FRMPD1: variants seen among roughly 807,000 people sequenced by gnomAD.
The protein encoded by FRMPD1 is FERM and PDZ domain-containing protein 1.
A neutral mutation model predicts 117.8 loss-of-function variants in FRMPD1; 76 were observed. The ratio of observed to expected loss-of-function variants is 0.65; its 90% CI spans 0.54 to 0.78. The LOEUF (loss-of-function observed/expected upper bound fraction) is 0.78. FRMPD1 is among the 30% of genes least tolerant of loss of function. FRMPD1 has a pLI of 0.00. For missense variants in FRMPD1, 1,786 were observed against 1,964.5 expected, an observed-to-expected ratio of 0.91 and a Z score of 1.72; for synonymous variants, 783 against 770.4, an observed-to-expected ratio of 1.02 and a Z score of -0.27.
chr9:37,616,517 T>G, the FRMPD1 span, among the ~76,000 whole-genome samples: 3 of 152,300 alleles, frequency 2.0e-5, no homozygotes, highest in South Asian at 2.1e-4. Context: ...TAGAGACAGA[T>G]CTCAGAGCCC....
chr9:37,712,737 T>C (rs1035865673), intron 5 of FRMPD1, among the ~76,000 whole-genome samples: 1 of 152,192 alleles, frequency 6.6e-6, no homozygotes, highest in Non-Finnish European at 1.5e-5. Flanking sequence ...GTTTTTATCA[T>C]TTAATACAGA....
Position 37,652,952 on chromosome 9 carries a change from A to C in FRMPD1, c.-5+1858A>C, listed in dbSNP as rs370334716. ...TTACAATGGAAGGTGGAGGAAGAAG[A>C]GGATTTCAACAGGTGGTGAGGAATA... is the stretch of plus-strand genomic sequence containing the variant. On this transcript the variant is annotated intron_variant, in intron 1 of 15. Transcript: ENST00000377765. Among the ~76,000 whole-genome samples the C allele has an allele frequency of 2.6e-5, 4 of 152,302 alleles. No individual in the cohort carries two copies. The East Asian group carries it at 7.7e-4, about 29-fold the overall frequency.
intron 5 of FRMPD1, among the ~76,000 whole-genome samples, chr9:37,712,936 G>C (rs545636911): frequency 7.9e-5 from 12 of 152,062 alleles, no homozygotes; most frequent in African/African-American, 2.9e-4. Context: ...AAACCTTAAG[G>C]GAAAGAGATA....
chr9:37,734,841 G>A (rs1196446940), intron 12 of FRMPD1, among the ~76,000 whole-genome samples: 1 of 152,054 alleles, frequency 6.6e-6, no homozygotes, highest in African/African-American at 2.4e-5. Context: ...AAGTTTTGAA[G>A]GTACAAGAAA....
At position 37,733,505 on chromosome 9, in the gene FRMPD1, C is replaced by A. The variant is rs374356516; in HGVS notation, c.1028C>A (p.Pro343Gln). 4.3e-6 allele frequency: 7 copies of A among 1,613,644 alleles called. No individual in the cohort carries two copies. The highest frequency in any genetic ancestry group is 5.9e-6 in the Non-Finnish European group (7 of 1,179,626). Residue 343 changes from proline to glutamine, a missense_variant, in exon 11 of 16, where the codon CCA (proline) becomes CAA (glutamine). Physicochemically the swap from Pro to Gln is moderately conservative, Grantham distance 76 (BLOSUM62 -1). Coordinates refer to ENST00000377765, the MANE Select transcript of FRMPD1 (RefSeq NM_014907.3). ...TGGGGAATAGAGAACTTTATATCTC[C>A]AACTTTACTCCGAAACATGAAAGGC... ...KDWGIENFIS[P>Q]TLLRNMKGKD...
the FRMPD1 span, chr9:37,637,370 G>A: frequency 1.3e-6 from 1 of 741,732 alleles, no homozygotes; most frequent in Non-Finnish European, 2.4e-6. Context: ...GGCCGCCGAT[G>A]TTTTTTCAAT....
chr9:37,685,762 G>A (rs1243385479), intron 1 of FRMPD1, among the ~76,000 whole-genome samples: 2 of 152,114 alleles, frequency 1.3e-5, no homozygotes, highest in Non-Finnish European at 2.9e-5. Flanking sequence ...AACTGATTCT[G>A]TGCCTGACAG....
At chr9:37,714,781 G>A (rs1823049012) in intron 5 of FRMPD1, among the ~76,000 whole-genome samples, 1 of 151,814 alleles carries the variant, frequency 6.6e-6, no homozygotes, top group Non-Finnish European at 1.5e-5. Flanking sequence ...TGAGTAACTG[G>A]CATTACAGGC....
chr9:37,707,690 GA>G, intron 3 of FRMPD1, 117 bp downstream of exon 3: 1 of 842,962 alleles, frequency 1.2e-6, no homozygotes, highest in Non-Finnish European at 1.9e-6. Context: ...TGGGAAGTTA[GA>G]AAAGGCACAC....
At chr9:37,683,635 G>T (rs1821808257) in intron 1 of FRMPD1, among the ~76,000 whole-genome samples, 1 of 152,210 alleles carries the variant, frequency 6.6e-6, no homozygotes, top group Non-Finnish European at 1.5e-5. Context: ...GGGAACAACA[G>T]GTAATACAGT....
chr9:37,618,662 C>G, the FRMPD1 span, among the ~76,000 whole-genome samples: 1 of 152,198 alleles, frequency 6.6e-6, no homozygotes. Flanking sequence ...ATACACCTCT[C>G]CCTGACCATA....
intron 2 of FRMPD1, among the ~76,000 whole-genome samples, chr9:37,699,886 C>A (rs1822472397): frequency 6.6e-6 from 1 of 151,942 alleles, no homozygotes; most frequent in African/African-American, 2.4e-5. Flanking sequence ...CACACACATG[C>A]ACATGTATGC....
At chr9:37,701,377 T>C (rs1304423603) in intron 2 of FRMPD1, among the ~76,000 whole-genome samples, 2 of 152,216 alleles carry the variant, frequency 1.3e-5, no homozygotes, top group African/African-American at 4.8e-5. Flanking sequence ...TGCACTGGTC[T>C]GTAGGTACAT....
At chr9:37,627,007 T>C in the FRMPD1 span, among the ~76,000 whole-genome samples, 2 of 152,170 alleles carry the variant, frequency 1.3e-5, no homozygotes, top group Non-Finnish European at 2.9e-5. Flanking sequence ...CCACACATAA[T>C]TGGACTTTTG....
At chr9:37,628,181 C>T in the FRMPD1 span, among the ~76,000 whole-genome samples, 1 of 152,158 alleles carries the variant, frequency 6.6e-6, no homozygotes, top group African/African-American at 2.4e-5. Flanking sequence ...TGTCTTTTCA[C>T]CTAATTGCTG....
chr9:37,620,185 C>T, the FRMPD1 span, among the ~76,000 whole-genome samples: 3 of 152,218 alleles, frequency 2.0e-5, no homozygotes, highest in African/African-American at 2.4e-5. Context: ...CCATTTTACC[C>T]TTCACTTCTA....
At chr9:37,696,454 G>A (rs1200945297) in intron 2 of FRMPD1, among the ~76,000 whole-genome samples, 2 of 152,142 alleles carry the variant, frequency 1.3e-5, no homozygotes, top group South Asian at 2.1e-4. Context: ...AGTATGTAAC[G>A]GACATTCAAT....
At chr9:37,617,179 T>C in the FRMPD1 span, among the ~76,000 whole-genome samples, 3 of 152,136 alleles carry the variant, frequency 2.0e-5, no homozygotes, top group South Asian at 4.1e-4. Context: ...GAAATGGGTT[T>C]CTAAGCAGGT....
chr9:37,633,032 T>TTA, the FRMPD1 span, among the ~76,000 whole-genome samples: 1 of 8,792 alleles, frequency 1.1e-4, no homozygotes, highest in African/African-American at 1.7e-4. Context: ...TATATATATA[T>TTA]TTTTCTTTTC....
Sources: gnomAD v4.1 joint callset for allele counts (sites outside exome capture counted in the v4.1 genomes callset) on GRCh38, gnomAD v4.1.1 for gene constraint, MANE v1.5 for transcripts, NCBI Gene and HGNC (gene_info 2026-07-23, HGNC 2026-07-21) for gene names.